Variants in COPA observed in about 807,000 individuals in gnomAD.
The protein encoded by COPA is coat protein complex I subunit alpha, also known as coatomer subunit alpha.
A neutral mutation model predicts 158.7 loss-of-function variants in COPA; 10 were observed. The ratio of observed to expected loss-of-function variants is 0.06; its 90% confidence interval spans 0.04 to 0.11. COPA has a LOEUF of 0.11. COPA is among the 10% of genes least tolerant of loss of function. COPA has a pLI of 1.00. For synonymous variants in COPA, 462 were observed against 542.8 expected, an observed-to-expected ratio of 0.85 and a Z score of 2.07; for missense variants, 1,065 against 1,536.7, an observed-to-expected ratio of 0.69 and a Z score of 5.13.
intron 7 of COPA, among the ~76,000 whole-genome samples, chr1:160,324,531 C>A (rs1464711084): frequency 1.3e-5 from 2 of 149,760 alleles, no homozygotes; most frequent in East Asian, 3.9e-4. Context: ...CTCCTGGCCT[C>A]AAGTAATCCT....
chr1:160,324,824 A>G (rs1238595752), intron 7 of COPA, among the ~76,000 whole-genome samples: 2 of 152,232 alleles, frequency 1.3e-5, no homozygotes, highest in Admixed American at 1.3e-4. Flanking sequence ...AGAGATCTTC[A>G]GACCAAAAAG....
chr1:160,307,319 G>C, intron 13 of COPA, 74 bp from the exon 14 acceptor site: 5 of 1,401,040 alleles, frequency 3.6e-6, no homozygotes, highest in Non-Finnish European at 2.0e-6. Context: ...GTGCCATGGA[G>C]CTGCCAGTCT....
chr1:160,307,111 GC>G (rs1203506860), intron 14 of COPA, 51 bp downstream of exon 14: 58 of 1,548,398 alleles, frequency 3.7e-5, no homozygotes, highest in Non-Finnish European at 4.8e-5. Flanking sequence ...CAATACACAG[GC>G]CACTGCCACC....
chr1:160,331,537 C>G (rs1211580268), intron 6 of COPA, among the ~76,000 whole-genome samples: 2 of 150,924 alleles, frequency 1.3e-5, no homozygotes, highest in African/African-American at 2.4e-5. Context: ...CCTGTAATCT[C>G]AGTTACTTAT....
At chr1:160,299,700 T>A (rs912427031) in intron 17 of COPA, among the ~76,000 whole-genome samples, 1 of 152,212 alleles carries the variant, frequency 6.6e-6, no homozygotes. Flanking sequence ...TTTGTCAATA[T>A]AGCTAATGCA....
intron 17 of COPA, among the ~76,000 whole-genome samples, chr1:160,302,951 T>C (rs531993615): frequency 6.0e-4 from 91 of 152,206 alleles, no homozygotes; most frequent in African/African-American, 2.1e-3. Context: ...TGTGGGAGGA[T>C]GGCTTGAGGT....
chr1:160,294,320 G>A (rs955749295), intron 25 of COPA, among the ~76,000 whole-genome samples, 164 bp downstream of exon 25: 4 of 152,158 alleles, frequency 2.6e-5, no homozygotes, highest in Non-Finnish European at 5.9e-5. Flanking sequence ...TGGGAGATAA[G>A]CATCAGACTA....
At chr1:160,313,887 T>G (rs1019626188) in intron 9 of COPA, 103 bp downstream of exon 9, 23 of 1,100,982 alleles carry the variant, frequency 2.1e-5, no homozygotes, top group Non-Finnish European at 2.8e-5. Flanking sequence ...ATGATTTGAT[T>G]TGTCTACATG....
At position 160,298,825 on chromosome 1, in the gene COPA, G is replaced by A; in HGVS notation, c.1977+20C>T. On this transcript the variant is annotated intron_variant, in intron 19 of 32. Transcript: ENST00000241704. ...CTCACCTCTAAGACAATATGGGGCTGATGACCATATTCCTCTCACCTCAAT... is the reference window on the plus strand; with the variant it reads ...CTCACCTCTAAGACAATATGGGGCTAATGACCATATTCCTCTCACCTCAAT... The A allele has an allele frequency of 1.2e-6, 2 of 1,613,796 alleles. No homozygotes were observed. The highest frequency in any genetic ancestry group is 4.5e-5 in the East Asian group (2 of 44,886).
In COPA at chr1:160,302,549, C is replaced by CTTTT. The variant is rs35112618; in HGVS notation, c.1667+2880_1667+2883dup. Among the ~76,000 whole-genome samples the CTTTT allele has an allele frequency of 6.4e-3, 590 of 91,662 alleles. 7 individuals are homozygous for CTTTT. The highest frequency in any genetic ancestry group is 8.5e-3 in the Non-Finnish European group (403 of 47,476). 60.1% of individuals were successfully genotyped at this position (91,662 alleles called of 152,430 possible). On this transcript the variant is annotated intron_variant, in intron 17 of 32. Transcript: ENST00000241704. Reference sequence around the variant, plus strand: ...TTTTTGTGTGGAATTTCACAAGTTACTTTTTTTTTTTTTTTTTTTTTTTGA... The same window carrying CTTTT: ...TTTTTGTGTGGAATTTCACAAGTTACTTTTTTTTTTTTTTTTTTTTTTTTTTTGA...
At chr1:160,296,407 C>T (rs535883919) in intron 21 of COPA, among the ~76,000 whole-genome samples, 14 of 152,344 alleles carry the variant, frequency 9.2e-5, no homozygotes, top group Admixed American at 2.0e-4. Flanking sequence ...CTTTTGCTCA[C>T]TTGCTGTAAG....
intron 7 of COPA, among the ~76,000 whole-genome samples, chr1:160,324,280 T>A (rs1193296875): frequency 6.6e-6 from 1 of 150,682 alleles, no homozygotes; most frequent in Non-Finnish European, 1.5e-5. Context: ...TTTGTCTTCT[T>A]CATTCTTTTT....
At chr1:160,325,463 G>C in intron 7 of COPA, 80 bp downstream of exon 7, 1 of 1,174,084 alleles carries the variant, frequency 8.5e-7, no homozygotes, top group Non-Finnish European at 1.3e-6. Context: ...ATTTGTTGAA[G>C]GAATGAATAA....
At position 160,340,185 on chromosome 1, in the gene COPA, A is replaced by G. The variant is rs1365325446; in HGVS notation, c.150T>C (p.His50=). 6.2e-7 allele frequency: 1 copy of G among 1,606,514 alleles called. No homozygotes were observed. The highest frequency in any genetic ancestry group is 1.1e-5 in the South Asian group (1 of 90,956). The change falls in exon 2 of 33, where the codon CAT becomes CAC. Residue 50 remains histidine, a synonymous_variant. Transcript: ENST00000241704. The part of the protein sequence containing the change: ...MCTLIDKFDE[H]DGPVRGIDFH... The stretch of plus-strand genomic sequence containing the variant: ...TTCCTCCTAGAAATATCTCACCATC[A>G]TGTTCATCAAACTTGTCAATGAGAG...
In COPA at chr1:160,292,551, G is replaced by C; in HGVS notation, c.2893C>G (p.Arg965Gly). 5 of 1,614,042 alleles carry C rather than the reference G, an allele frequency of 3.1e-6. No individual in the cohort carries two copies. Among genetic ancestry groups the C allele is most frequent in the Non-Finnish European group, 4.2e-6 (5 of 1,179,986 alleles). ...YKQLFLQTYA[R>G]GRTTYQALPC... is the part of the protein sequence containing the mutation. The stretch of plus-strand genomic sequence containing the variant: ...AGAGCCTGATAGGTTGTGCGGCCTC[G>C]GGCGTATGTCTGTAGGAACAGTTGC... The change falls in exon 28 of 33, where the codon CGA (arginine) becomes GGA (glycine). Residue 965 changes from arginine (R) to glycine (G), a missense_variant. Arg to Gly is a moderately radical substitution (Grantham distance 125). This residue lies in a region of COPA where 980 missense variants were observed against 1,357.8 expected (regional missense o/e 0.72). Transcript: ENST00000241704.
chr1:160,298,400 A>G (rs1658486408), intron 19 of COPA, among the ~76,000 whole-genome samples: 1 of 152,212 alleles, frequency 6.6e-6, no homozygotes, highest in African/African-American at 2.4e-5. Context: ...GGCTTTAGCA[A>G]AGACAGAAGA....
chr1:160,323,674 T>TA, intron 7 of COPA, 144 bp from the exon 8 acceptor site: 1 of 469,620 alleles, frequency 2.1e-6, no homozygotes, highest in Non-Finnish European at 3.5e-6. Context: ...TCTAAAATTT[T>TA]GAGCATCAGA....
chr1:160,292,430 T>A (rs974730600), intron 28 of COPA, 54 bp downstream of exon 28: 1 of 1,608,520 alleles, frequency 6.2e-7, no homozygotes, highest in African/African-American at 1.3e-5. Flanking sequence ...GGCTACCATC[T>A]GAAATATCGA....
chr1:160,326,371 A>G (rs1659491544), intron 6 of COPA, among the ~76,000 whole-genome samples: 1 of 152,226 alleles, frequency 6.6e-6, no homozygotes, highest in Admixed American at 6.5e-5. Context: ...TCCAAAAAAT[A>G]TAAAAATTAG....
Sources: allele counts gnomAD v4.1 joint callset (sites outside exome capture counted in the v4.1 genomes callset), GRCh38; gene constraint gnomAD v4.1.1; regional missense constraint gnomAD v4.1.1; transcripts MANE v1.5; gene names NCBI Gene and HGNC (gene_info 2026-07-23, HGNC 2026-07-21).